The following TMEM260 variants were observed in gnomAD, a reference collection of about 807,000 sequenced individuals.
TMEM260 encodes the protein protein O-mannosyl-transferase TMEM260.
Under a neutral mutation model 88.9 loss-of-function variants are expected in TMEM260, and 82 were observed. That is an observed-to-expected ratio of 0.92 (90% CI 0.77 to 1.11). TMEM260 has a LOEUF of 1.11. Among genes scored for constraint, TMEM260 ranks in the 50% least tolerant of loss-of-function variants. The probability of loss-of-function intolerance (pLI) is 0.00; values close to 1 mark genes in which losing one functional copy is unlikely to be tolerated. For synonymous variants in TMEM260, 314 were observed against 309.3 expected, an observed-to-expected ratio of 1.02 and a Z score of -0.16; for missense variants, 902 against 853.4, an observed-to-expected ratio of 1.06 and a Z score of -0.71.
chr14:56,656,501 G>A, the TMEM260 span, among the ~76,000 whole-genome samples: 7 of 152,084 alleles, frequency 4.6e-5, no homozygotes, highest in African/African-American at 1.7e-4. Flanking sequence ...CTACCTCATG[G>A]TGCAGCTATA....
At chr14:56,590,532 G>T (rs1488529464) in intron 3 of TMEM260, among the ~76,000 whole-genome samples, 3 of 152,216 alleles carry the variant, frequency 2.0e-5, no homozygotes, top group Non-Finnish European at 4.4e-5. Context: ...CCAATTGGGA[G>T]AAAATTTATG....
chr14:56,653,736 C>CAAAAAAAAAAA (rs10522889), downstream of TMEM260, among the ~76,000 whole-genome samples: 4 of 66,564 alleles, frequency 6.0e-5, no homozygotes, highest in African/African-American at 1.8e-4. Context: ...CTCTTGTCTC[C>CAAAAAAAAAAA]AAAACAAAAA....
chr14:56,636,798 A>G (rs1889127720), intron 15 of TMEM260, among the ~76,000 whole-genome samples, 200 bp downstream of exon 15: 1 of 140,392 alleles, frequency 7.1e-6, no homozygotes, highest in Admixed American at 6.9e-5. Context: ...TAGGCAGAAT[A>G]ATACCTCCCA....
chr14:56,612,181 A>G, intron 6 of TMEM260, 64 bp from the exon 7 acceptor site: 1 of 1,417,354 alleles, frequency 7.1e-7, no homozygotes, highest in Non-Finnish European at 9.9e-7. Context: ...TTATTAAAAT[A>G]CAATAGCCTA....
At chr14:56,632,251 C>T (rs1010511785) in intron 12 of TMEM260, among the ~76,000 whole-genome samples, 3 of 152,210 alleles carry the variant, frequency 2.0e-5, no homozygotes, top group African/African-American at 7.2e-5. Flanking sequence ...TTTCTTTCTT[C>T]TGCTGTGCCC....
At chr14:56,585,986 A>C in intron 3 of TMEM260, 74 bp downstream of exon 3, 2 of 1,466,190 alleles carry the variant, frequency 1.4e-6, no homozygotes, top group Non-Finnish European at 9.2e-7. Flanking sequence ...AAGTACATAC[A>C]TTAAAAAAAT....
At chr14:56,604,348 A>T (rs1186100476) in intron 4 of TMEM260, among the ~76,000 whole-genome samples, 1 of 152,184 alleles carries the variant, frequency 6.6e-6, no homozygotes, top group African/African-American at 2.4e-5. Flanking sequence ...TTAAATTAGG[A>T]TGCATTGACT....
chr14:56,610,184 T>G (rs531043572), intron 6 of TMEM260, among the ~76,000 whole-genome samples: 1 of 152,270 alleles, frequency 6.6e-6, no homozygotes, highest in African/African-American at 2.4e-5. Context: ...CTTTGGGAGA[T>G]ACCTTATGAT....
At chr14:56,645,094 C>A (rs1212410662) in intron 15 of TMEM260, among the ~76,000 whole-genome samples, 1 of 150,378 alleles carries the variant, frequency 6.6e-6, no homozygotes, top group East Asian at 2.0e-4. Flanking sequence ...GGTGATTCCT[C>A]AGGGATCTAG....
rs1280502709 is a variant in TMEM260, at chr14:56,618,727, C to T, written c.1190C>T (p.Thr397Ile). The T allele has an allele frequency of 6.2e-7, 1 of 1,614,146 alleles. No individual in the cohort carries two copies. Among genetic ancestry groups the T allele is most frequent in the Non-Finnish European group, 8.5e-7 (1 of 1,180,026 alleles). ...CAGTGTCTGGAATGGCTTTCTGCAA[C>T]TCTTTTTGTAGTTTACCAAATATAT... Reference protein sequence around the residue: ...GLQCLEWLSATLFVVYQIYSN... With the variant: ...GLQCLEWLSAILFVVYQIYSN... Residue 397 changes from threonine (T) to isoleucine (I), a missense_variant, in exon 10 of 16, where the codon ACT (threonine) becomes ATT (isoleucine). Thr to Ile is a moderately conservative substitution (Grantham distance 89, BLOSUM62 -1). Transcript: ENST00000261556.
At chr14:56,661,376 G>C in the TMEM260 span, among the ~76,000 whole-genome samples, 2 of 152,186 alleles carry the variant, frequency 1.3e-5, no homozygotes, top group Admixed American at 6.5e-5. Flanking sequence ...TGCCCTCGGT[G>C]GTGGAGCAGG....
At position 56,647,790 on chromosome 14, in the gene TMEM260, G is replaced by C; in HGVS notation, c.*293G>C. 1 of 331,850 alleles carries C rather than the reference G, an allele frequency of 3.0e-6. No homozygotes were observed. The highest frequency in any genetic ancestry group is 4.2e-5 in the South Asian group (1 of 24,028). The allele number at this position is 331,850 out of a possible 1,614,324, so 20.6% of individuals were successfully genotyped here. A position where few individuals can be genotyped will look rare whatever the true frequency, so the allele number is the denominator to read the frequency against. ...GATGACTGCACTGGATTAGATTCTA[G>C]AAGAGAATGAACCATTTTCATATAA... On this transcript the variant is annotated 3_prime_UTR_variant, in exon 16 of 16. Transcript: ENST00000261556.
intron 7 of TMEM260, chr14:56,612,629 C>T: frequency 4.7e-6 from 1 of 213,020 alleles, no homozygotes; most frequent in Non-Finnish European, 9.2e-6. Flanking sequence ...AGTTGTTATG[C>T]TGTATTGTCT....
chr14:56,647,443 T>C lies in TMEM260; in HGVS notation c.2070T>C (p.Ala690=), dbSNP rs899363254. Residue 690 remains alanine (A), a synonymous_variant, in exon 16 of 16, where the codon GCT becomes GCC. Transcript: ENST00000261556. ...CACAGCAAGCTGATATTTTAGGTGC[T>C]CTAAAGCACCTAAGAAAAGAACTGC... ...NDPQQADILG[A]LKHLRKELQS... is the part of the protein sequence containing the mutation. 6.2e-7 allele frequency: 1 copy of C among 1,613,764 alleles called. No homozygotes were observed. Among genetic ancestry groups the C allele is most frequent in the Non-Finnish European group, 8.5e-7 (1 of 1,179,956 alleles).
At chr14:56,650,807 C>A (rs1890192717), downstream of TMEM260, among the ~76,000 whole-genome samples, 1 of 151,934 alleles carries the variant, frequency 6.6e-6, no homozygotes, top group African/African-American at 2.4e-5. Flanking sequence ...CATCATAGTT[C>A]TCATCAATAT....
chr14:56,598,671 C>T (rs144801089), intron 3 of TMEM260, among the ~76,000 whole-genome samples: 1 of 152,320 alleles, frequency 6.6e-6, no homozygotes, highest in Non-Finnish European at 1.5e-5. Context: ...TCAAAGTCTT[C>T]AGAAAATCAT....
At chr14:56,596,400 GTGTGTGTA>G (rs1427488013) in intron 3 of TMEM260, among the ~76,000 whole-genome samples, 3 of 126,566 alleles carry the variant, frequency 2.4e-5, no homozygotes, top group African/African-American at 9.5e-5. Context: ...GTGTGTGTGT[GTGTGTGTA>G]TATATATATA....
chr14:56,638,292 G>A (rs1889278221), intron 15 of TMEM260: 2 of 150,982 alleles, frequency 1.3e-5, no homozygotes, highest in South Asian at 4.2e-4. Flanking sequence ...GTGCATCAAA[G>A]AACCTTTCCA....
chr14:56,585,944 G>T, intron 3 of TMEM260, 32 bp downstream of exon 3: 1 of 1,602,966 alleles, frequency 6.2e-7, no homozygotes, highest in South Asian at 1.1e-5. Flanking sequence ...AATTAATTTT[G>T]AGCAGTTGGA....
Sources: gnomAD v4.1 joint callset for allele counts (sites outside exome capture counted in the v4.1 genomes callset) on GRCh38, gnomAD v4.1.1 for gene constraint, MANE v1.5 for transcripts, NCBI Gene and HGNC (gene_info 2026-07-23, HGNC 2026-07-21) for gene names.